ITGAE: variants seen among roughly 807,000 people sequenced by gnomAD.
ITGAE encodes integrin alpha-E.
A neutral mutation model predicts 136.5 loss-of-function variants in ITGAE; 99 were observed. The ratio of observed to expected loss-of-function variants is 0.73; its 90% confidence interval spans 0.62 to 0.86. The LOEUF is 0.86. Ranked by LOEUF, ITGAE falls within the 40% of genes least tolerant of loss-of-function variation. ITGAE has a pLI of 0.00. For missense variants in ITGAE, 1,447 were observed against 1,515.3 expected, an observed-to-expected ratio of 0.95 and a Z score of 0.75; for synonymous variants, 613 against 591.8, an observed-to-expected ratio of 1.04 and a Z score of -0.52.
intron 19 of ITGAE, 37 bp downstream of exon 19, chr17:3,743,452 C>T (rs1416035646): frequency 1.3e-6 from 2 of 1,544,292 alleles, no homozygotes; most frequent in Non-Finnish European, 1.7e-6. Context: ...GGGATAGGCT[C>T]TTAAGAGGGC....
At chr17:3,791,312 G>T (rs12051659) in intron 1 of ITGAE, among the ~76,000 whole-genome samples, 60,162 of 151,346 alleles carry the variant, frequency 0.4, 14,361 homozygotes, top group African/African-American at 0.68. Context: ...AGACTGAGTC[G>T]TACTCTGTTG....
chr17:3,719,155 G>C (rs533675047), intron 29 of ITGAE, among the ~76,000 whole-genome samples: 8 of 147,506 alleles, frequency 5.4e-5, no homozygotes, highest in South Asian at 2.1e-4. Flanking sequence ...AGAATCACTT[G>C]AACTGGGGAG....
Position 3,755,915 on chromosome 17 carries a change from CAGTGAG to C in ITGAE, c.1172-24_1172-19del. On this transcript the variant is annotated intron_variant, in intron 10 of 30. Coordinates refer to ENST00000263087, the MANE Select transcript of ITGAE (RefSeq NM_002208.5). ...AACCGTGCCTGCAAGCCAAGAAGCC[CAGTGAG>C]ACTGCTGTGGGCCGAGGTGAAGGGA... 1 of 1,585,172 alleles carries C rather than the reference CAGTGAG, an allele frequency of 6.3e-7. No homozygotes were observed. Among genetic ancestry groups the C allele is most frequent in the Non-Finnish European group, 8.6e-7 (1 of 1,165,334 alleles).
In ITGAE at chr17:3,759,397, C is replaced by G; in HGVS notation, c.866+5G>C. The G allele has an allele frequency of 6.2e-7, 1 of 1,611,874 alleles. No individual in the cohort carries two copies. The highest frequency in any genetic ancestry group is 1.3e-5 in the African/African-American group (1 of 74,998). On this transcript the variant is annotated splice_donor_5th_base_variant and intron_variant, in intron 8 of 30. Coordinates refer to ENST00000263087, the MANE Select transcript of ITGAE (RefSeq NM_002208.5). ...CAGAATAATTCCTGCAGCCCCCACACTCACAAGACGTGTTGCATGGCTGAG... is the reference window on the plus strand; with the variant it reads ...CAGAATAATTCCTGCAGCCCCCACAGTCACAAGACGTGTTGCATGGCTGAG...
chr17:3,777,386 TTCTC>T (rs1477752164), intron 2 of ITGAE, among the ~76,000 whole-genome samples, 150 bp downstream of exon 2: 3 of 151,082 alleles, frequency 2.0e-5, no homozygotes, highest in Admixed American at 6.6e-5. Context: ...CTCTCACACC[TTCTC>T]TCTTTCTCCT....
At chr17:3,775,509 G>T (rs1367040707) in intron 2 of ITGAE, among the ~76,000 whole-genome samples, 2 of 151,670 alleles carry the variant, frequency 1.3e-5, no homozygotes, top group Non-Finnish European at 2.9e-5. Flanking sequence ...ACCCAGGCTG[G>T]AGTGCAATGG....
At chr17:3,725,415 G>A in intron 26 of ITGAE, 2 of 1,614,216 alleles carry the variant, frequency 1.2e-6, no homozygotes, top group South Asian at 1.1e-5. Flanking sequence ...TGGGGAAGGG[G>A]TGTTTGGCGA....
chr17:3,725,905 T>C, intron 26 of ITGAE: 2 of 1,613,060 alleles, frequency 1.2e-6, no homozygotes, highest in Middle Eastern at 1.6e-4. Context: ...AACGTGCTCT[T>C]AAAGAAAACC....
intron 29 of ITGAE, 105 bp downstream of exon 29, chr17:3,720,202 T>C (rs1471777457): frequency 6.3e-6 from 4 of 637,436 alleles, no homozygotes; most frequent in African/African-American, 1.8e-5. Flanking sequence ...AGATCAGAAG[T>C]GTTAAGGCTG....
rs541234084 is a variant in ITGAE at position 3,735,326 on chromosome 17, C to T, written c.2523-377G>A. Among the ~76,000 whole-genome samples the T allele has an allele frequency of 5.9e-5, 9 of 152,314 alleles. No homozygotes were observed. The South Asian group carries it at 1.9e-3, about 32-fold the overall frequency. On this transcript the variant is annotated intron_variant, in intron 20 of 30. Transcript: ENST00000263087. Reference sequence around the variant, plus strand: ...GGGATTACAGGCACGCGCCACCATGCCTGGCTAATTTTGTATTTTTATTAG... The same window carrying T: ...GGGATTACAGGCACGCGCCACCATGTCTGGCTAATTTTGTATTTTTATTAG...
intron 1 of ITGAE, among the ~76,000 whole-genome samples, chr17:3,794,623 G>A (rs1050267990): frequency 2.0e-5 from 3 of 152,160 alleles, no homozygotes; most frequent in African/African-American, 4.8e-5. Context: ...GAAGAAGGCC[G>A]TACTGTTCCC....
At chr17:3,792,272 C>G (rs1453131373) in intron 1 of ITGAE, among the ~76,000 whole-genome samples, 4 of 152,088 alleles carry the variant, frequency 2.6e-5, no homozygotes, top group African/African-American at 4.8e-5. Context: ...TAGGCACGCA[C>G]CACCACACCT....
chr17:3,740,268 G>A (rs1294891906), intron 19 of ITGAE, among the ~76,000 whole-genome samples: 2 of 152,216 alleles, frequency 1.3e-5, no homozygotes, highest in East Asian at 1.9e-4. Flanking sequence ...TAGTCCTTTC[G>A]GATATAGGCA....
chr17:3,754,088 A>T (rs2051942007), intron 12 of ITGAE, among the ~76,000 whole-genome samples, 163 bp from the exon 13 acceptor site: 1 of 151,874 alleles, frequency 6.6e-6, no homozygotes, highest in Admixed American at 6.6e-5. Context: ...ATCAGCGAGC[A>T]CTCTCACTTT....
chr17:3,782,381 T>G (rs1387671200), intron 1 of ITGAE, among the ~76,000 whole-genome samples: 5 of 147,416 alleles, frequency 3.4e-5, no homozygotes, highest in African/African-American at 1.3e-4. Flanking sequence ...ACTTTTTTTT[T>G]TTTGAGATGG....
At position 3,798,470 on chromosome 17, in the gene ITGAE, TC is replaced by T. The variant is rs2053175370; in HGVS notation, c.34+2640del. Among the ~76,000 whole-genome samples the T allele has an allele frequency of 6.6e-6, 1 of 151,606 alleles. No individual in the cohort carries two copies. Among genetic ancestry groups the T allele is most frequent in the Non-Finnish European group, 1.5e-5 (1 of 67,874 alleles). ...ACACCCCAGGGCTTGGTCCCTCCTA[TC>T]CCCCCTGCACAGAAGGCCCCTCTGC... On this transcript the variant is annotated intron_variant, in intron 1 of 30. Transcript: ENST00000263087. The surrounding 1 kb of genome is among the most constrained non-coding windows in gnomAD (Gnocchi z 4.3).
intron 1 of ITGAE, among the ~76,000 whole-genome samples, chr17:3,789,319 T>G (rs2052880316): frequency 6.6e-6 from 1 of 150,726 alleles, no homozygotes; most frequent in African/African-American, 2.5e-5. Flanking sequence ...CTCTGAAAAC[T>G]GACTGTTAGG....
chr17:3,745,336 T>C (rs2051685538), intron 18 of ITGAE, among the ~76,000 whole-genome samples: 1 of 152,070 alleles, frequency 6.6e-6, no homozygotes, highest in South Asian at 2.1e-4. Context: ...ACGTGGTTCT[T>C]GATTTATTAT....
chr17:3,800,035 CT>C (rs1244231930), intron 1 of ITGAE, among the ~76,000 whole-genome samples: 1 of 152,198 alleles, frequency 6.6e-6, no homozygotes, highest in Non-Finnish European at 1.5e-5. Context: ...AGGAGAACTG[CT>C]TGAACCTGGG....
Sources: allele counts gnomAD v4.1 joint callset (sites outside exome capture counted in the v4.1 genomes callset), GRCh38; gene constraint gnomAD v4.1.1; non-coding constraint Gnocchi (gnomAD v3.1); transcripts MANE v1.5; gene names NCBI Gene and HGNC (gene_info 2026-07-23, HGNC 2026-07-21).